The following VWA8 variants were observed in gnomAD, a reference collection of about 807,000 sequenced individuals.
VWA8 encodes the protein von Willebrand factor A domain-containing protein 8.
In VWA8, 221 loss-of-function variants were observed where a neutral mutation model predicts 241.5. The ratio of observed to expected loss-of-function variants is 0.91; its 90% CI spans 0.82 to 1.02. The LOEUF (loss-of-function observed/expected upper bound fraction) is 1.02, where lower values mean the gene tolerates loss of function less well. Among genes scored for constraint, VWA8 ranks in the 50% least tolerant of loss-of-function variants. The pLI is 0.00. For missense variants in VWA8, 2,322 were observed against 2,328.7 expected, an observed-to-expected ratio of 1.00 and a Z score of 0.06; for synonymous variants, 852 against 827.1, an observed-to-expected ratio of 1.03 and a Z score of -0.52.
At chr13:41,866,177 A>C in intron 10 of VWA8, 141 bp from the exon 11 acceptor site, 1 of 1,073,904 alleles carries the variant, frequency 9.3e-7, no homozygotes, top group South Asian at 1.7e-5. Flanking sequence ...GTGAAACCCC[A>C]TCTCTACAAA....
At chr13:41,770,830 A>C (rs1467788303) in intron 20 of VWA8, among the ~76,000 whole-genome samples, 1 of 151,590 alleles carries the variant, frequency 6.6e-6, no homozygotes, top group Non-Finnish European at 1.5e-5. Flanking sequence ...GGAATACAAG[A>C]AAAGTTTCAG....
intron 9 of VWA8, among the ~76,000 whole-genome samples, chr13:41,876,918 A>G (rs1333349554): frequency 2.0e-5 from 3 of 152,064 alleles, no homozygotes; most frequent in Non-Finnish European, 2.9e-5. Context: ...GAAATGTTCA[A>G]TCTGCAGACA....
Position 41,615,080 on chromosome 13 carries a change from G to A in VWA8, c.4616C>T (p.Thr1539Ile). Residue 1539 changes from threonine (T) to isoleucine (I), a missense_variant, in exon 38 of 45, where the codon ACA becomes ATA. Coordinates refer to ENST00000379310, the MANE Select transcript of VWA8 (RefSeq NM_015058.2). ...IGQDDRNMQI[T>I]INRDSGEDVS... Reference sequence around the variant, plus strand: ...ATCTTCACCACTGTCTCTGTTGATTGTTATCTAAAAATGAACAATTGAGAC... The same window carrying A: ...ATCTTCACCACTGTCTCTGTTGATTATTATCTAAAAATGAACAATTGAGAC... 6.2e-7 allele frequency: 1 copy of A among 1,613,758 alleles called. No homozygotes were observed. Among genetic ancestry groups the A allele is most frequent in the African/African-American group, 1.3e-5 (1 of 75,000 alleles).
chr13:41,810,578 A>G (rs1413199822), intron 17 of VWA8, among the ~76,000 whole-genome samples: 1 of 152,134 alleles, frequency 6.6e-6, no homozygotes, highest in East Asian at 1.9e-4. Context: ...AAATTAAAAC[A>G]ATAGAATTCA....
intron 9 of VWA8, among the ~76,000 whole-genome samples, chr13:41,881,817 C>G (rs1209940585): frequency 7.5e-6 from 1 of 132,712 alleles, no homozygotes; most frequent in Admixed American, 7.2e-5. Context: ...GCAGAGGTGC[C>G]CCTCACCTCC....
rs1870454007 is a variant in VWA8 at position 41,811,259 on chromosome 13, G to C, written c.2029C>G (p.Leu677Val). 6.2e-7 allele frequency: 1 copy of C among 1,610,418 alleles called. No individual in the cohort carries two copies. Among genetic ancestry groups the C allele is most frequent in the Admixed American group, 1.7e-5 (1 of 59,922 alleles). ...RRLSQYPNEN[L>V]HSAVTKACLS... ...CAGGCTTTAGTAACAGCACTGTGAA[G>C]ATTTTCATTAGGATACTGTGACAGC... is the stretch of plus-strand genomic sequence containing the variant. The change falls in exon 17 of 45, where the codon CTT becomes GTT. Residue 677 changes from leucine (L) to valine (V), a missense_variant. Physicochemically the swap from Leu to Val is conservative, Grantham distance 32 (BLOSUM62 1). Coordinates refer to ENST00000379310, the MANE Select transcript of VWA8 (RefSeq NM_015058.2).
chr13:41,936,688 A>G (rs1423547083), intron 2 of VWA8, among the ~76,000 whole-genome samples: 2 of 152,204 alleles, frequency 1.3e-5, no homozygotes, highest in African/African-American at 4.8e-5. Flanking sequence ...ATTGTACAAT[A>G]TAGTGACTAT....
At chr13:41,733,623 G>C (rs1038640532) in intron 21 of VWA8, among the ~76,000 whole-genome samples, 1 of 152,116 alleles carries the variant, frequency 6.6e-6, no homozygotes, top group Non-Finnish European at 1.5e-5. Flanking sequence ...GGTGCTTCTT[G>C]AAAGATCCCT....
At chr13:41,628,809 A>C (rs753506247) in intron 37 of VWA8, among the ~76,000 whole-genome samples, 1 of 152,144 alleles carries the variant, frequency 6.6e-6, no homozygotes, top group Non-Finnish European at 1.5e-5. Flanking sequence ...TTGGGAGGCC[A>C]AGGTGGGCAG....
chr13:41,758,963 T>C (rs184779170), intron 21 of VWA8, among the ~76,000 whole-genome samples: 1 of 151,508 alleles, frequency 6.6e-6, no homozygotes, highest in Non-Finnish European at 1.5e-5. Context: ...GTTATATAAT[T>C]TGATTTTTAA....
chr13:41,816,234 C>G (rs893661212), intron 16 of VWA8, among the ~76,000 whole-genome samples: 3 of 152,066 alleles, frequency 2.0e-5, no homozygotes, highest in Non-Finnish European at 4.4e-5. Context: ...GTTCCCGTTC[C>G]CATTTTACAG....
chr13:41,776,660 G>A (rs865988571), intron 20 of VWA8, among the ~76,000 whole-genome samples: 7 of 152,212 alleles, frequency 4.6e-5, no homozygotes, highest in African/African-American at 1.4e-4. Context: ...CACTTCCCAC[G>A]CATTATCTCA....
At chr13:41,651,882 C>T (rs2044871718) in intron 37 of VWA8, among the ~76,000 whole-genome samples, 1 of 152,202 alleles carries the variant, frequency 6.6e-6, no homozygotes, top group Non-Finnish European at 1.5e-5. Context: ...CTCAATCCTG[C>T]TCCACCCTGG....
chr13:41,869,320 T>C (rs1593831220), intron 9 of VWA8, among the ~76,000 whole-genome samples: 1 of 152,062 alleles, frequency 6.6e-6, no homozygotes, highest in East Asian at 1.9e-4. Flanking sequence ...GGGGTCTCAA[T>C]ATTTGTTGAA....
At chr13:41,758,363 T>A (rs1418973845) in intron 21 of VWA8, among the ~76,000 whole-genome samples, 1 of 98,908 alleles carries the variant, frequency 1.0e-5, no homozygotes, top group African/African-American at 3.8e-5. Flanking sequence ...TTGCTATAGA[T>A]ACTAGCATAT....
intron 37 of VWA8, among the ~76,000 whole-genome samples, chr13:41,657,129 C>A (rs2044912122): frequency 6.6e-6 from 1 of 152,120 alleles, no homozygotes. Flanking sequence ...GAGAGACATG[C>A]CCCTTTGGCT....
At chr13:41,747,480 A>C (rs2045617292) in intron 21 of VWA8, among the ~76,000 whole-genome samples, 1 of 152,176 alleles carries the variant, frequency 6.6e-6, no homozygotes. Context: ...GTTGTCCATC[A>C]GCTTAAGGAG....
intron 9 of VWA8, among the ~76,000 whole-genome samples, chr13:41,869,235 A>C (rs953227681): frequency 9.8e-5 from 15 of 152,308 alleles, no homozygotes; most frequent in Admixed American, 7.8e-4. Flanking sequence ...TTCTGCTGTC[A>C]GCTATGTGAA....
chr13:41,831,387 G>A (rs931844661), intron 13 of VWA8, among the ~76,000 whole-genome samples: 2 of 152,128 alleles, frequency 1.3e-5, no homozygotes, highest in African/African-American at 4.8e-5. Context: ...GAGGGAGAAC[G>A]ACTCTATCTC....
Sources: gnomAD v4.1 joint callset for allele counts (sites outside exome capture counted in the v4.1 genomes callset) on GRCh38, gnomAD v4.1.1 for gene constraint, MANE v1.5 for transcripts, NCBI Gene and HGNC (gene_info 2026-07-23, HGNC 2026-07-21) for gene names.